NDFIP1: variants seen among roughly 807,000 people sequenced by gnomAD.
NDFIP1 encodes NEDD4 family-interacting protein 1.
In NDFIP1, 7 loss-of-function variants were observed where a neutral mutation model predicts 28.8. The observed-to-expected ratio is 0.24, with a 90% CI of 0.14 to 0.46. NDFIP1 has a LOEUF of 0.46. Among genes scored for constraint, NDFIP1 ranks in the 20% least tolerant of loss-of-function variants. The pLI, the probability that NDFIP1 is intolerant of heterozygous loss-of-function variation, is 0.99. For synonymous variants in NDFIP1, 92 were observed against 101.0 expected (o/e 0.91, Z 0.53); for missense variants, 194 against 269.1 (o/e 0.72, Z 1.95).
intron 4 of NDFIP1, 48 bp from the exon 5 acceptor site, chr5:142,137,686 T>A: frequency 1.2e-6 from 2 of 1,604,708 alleles, no homozygotes; most frequent in Non-Finnish European, 1.7e-6. Flanking sequence ...CTCTTGTTCT[T>A]GGGTAACAGG....
At chr5:142,119,084 G>T (rs1757097446) in intron 1 of NDFIP1, among the ~76,000 whole-genome samples, 1 of 152,084 alleles carries the variant, frequency 6.6e-6, no homozygotes, top group Admixed American at 6.5e-5. Context: ...ATTAACCTGT[G>T]GGTATACACA....
rs1435738800 is a variant in NDFIP1, at chr5:142,153,984, T to C, written c.*2256T>C. The C allele has an allele frequency of 6.6e-6, 1 of 152,466 alleles. No individual in the cohort carries two copies. Among genetic ancestry groups the C allele is most frequent in the African/African-American group, 2.4e-5 (1 of 41,460 alleles). The allele number at this position is 152,466 out of a possible 1,614,324, so 9.4% of individuals were successfully genotyped here. A position where few individuals can be genotyped will look rare whatever the true frequency, so the allele number is the denominator to read the frequency against. ...TACCTAGTTAAGAGGATGATTTCTC[T>C]TTAATCGTTTAAATGTTCTGAAAAT... On this transcript the variant is annotated 3_prime_UTR_variant, in exon 8 of 8. Coordinates refer to ENST00000253814, the MANE Select transcript of NDFIP1 (RefSeq NM_030571.4).
intron 1 of NDFIP1, among the ~76,000 whole-genome samples, chr5:142,128,120 G>A (rs1306874248): frequency 6.6e-6 from 1 of 152,066 alleles, no homozygotes; most frequent in African/African-American, 2.4e-5. Context: ...GAAGTTCCCA[G>A]ATCTGTCCCA....
In NDFIP1 at chr5:142,140,576, T is replaced by A. The variant is rs1312697697; in HGVS notation, c.509T>A (p.Phe170Tyr). The A allele has an allele frequency of 6.2e-7, 1 of 1,611,692 alleles. No individual in the cohort carries two copies. The highest frequency in any genetic ancestry group is 1.7e-4 in the Middle Eastern group (1 of 6,056). Residue 170 changes from phenylalanine to tyrosine, a missense_variant, in exon 6 of 8, where the codon TTC becomes TAC. Physicochemically the swap from Phe to Tyr is conservative, Grantham distance 22. Coordinates refer to ENST00000253814, the MANE Select transcript of NDFIP1 (RefSeq NM_030571.4). ...CTTATTTTTTAGTTTTCCACCTATT[T>A]CCCTGGATATTTTGATGGTCAGTAC... ...WILIVRFSTY[F>Y]PGYFDGQYWL... is the part of the protein sequence containing the mutation.
intron 1 of NDFIP1, among the ~76,000 whole-genome samples, chr5:142,122,213 A>G (rs1757128813): frequency 6.6e-6 from 1 of 152,116 alleles, no homozygotes; most frequent in South Asian, 2.1e-4. Flanking sequence ...CCCGGGACAT[A>G]CTCACTGGTA....
Position 142,152,598 on chromosome 5 carries a change from T to C in NDFIP1, c.*870T>C, listed in dbSNP as rs1757458722. The C allele has an allele frequency of 6.7e-6, 1 of 149,454 alleles. No homozygotes were observed. Among genetic ancestry groups the C allele is most frequent in the Non-Finnish European group, 1.5e-5 (1 of 67,714 alleles). The allele number at this position is 149,454 out of a possible 1,614,324, so 9.3% of individuals were successfully genotyped here. On this transcript the variant is annotated 3_prime_UTR_variant, in exon 8 of 8. Coordinates refer to ENST00000253814, the MANE Select transcript of NDFIP1 (RefSeq NM_030571.4). The stretch of plus-strand genomic sequence containing the variant: ...CTTAGGAGCAAAGAAAGAAGTAGCT[T>C]GGAACTTTTGAGATGATCCCTAACA...
chr5:142,117,232 CA>C (rs752655165), intron 1 of NDFIP1, among the ~76,000 whole-genome samples: 1 of 143,416 alleles, frequency 7.0e-6, no homozygotes, highest in Non-Finnish European at 1.5e-5. Context: ...ATAATGATTT[CA>C]TTTTCTTTTT....
intron 1 of NDFIP1, among the ~76,000 whole-genome samples, chr5:142,120,540 A>G (rs950241157): frequency 3.9e-5 from 6 of 152,184 alleles, no homozygotes; most frequent in African/African-American, 1.4e-4. Context: ...TTTTGCCTTT[A>G]AACAAACAAC....
At chr5:142,137,968 T>C (rs768366921) in intron 5 of NDFIP1, 110 bp downstream of exon 5, 6 of 1,375,926 alleles carry the variant, frequency 4.4e-6, no homozygotes, top group Non-Finnish European at 5.8e-6. Flanking sequence ...GTGTGTTAAA[T>C]GATTTTTGGT....
intron 1 of NDFIP1, among the ~76,000 whole-genome samples, chr5:142,126,658 G>A (rs1757171850): frequency 6.6e-6 from 1 of 152,108 alleles, no homozygotes; most frequent in African/African-American, 2.4e-5. Context: ...ATCCAAGAAT[G>A]ACTTTTAAGT....
chr5:142,128,573 A>T lies in NDFIP1; in HGVS notation c.64-3235A>T, dbSNP rs563894784. Among the ~76,000 whole-genome samples, 22 of 152,202 alleles carry T rather than the reference A, an allele frequency of 1.4e-4. No homozygotes were observed. In the South Asian group the frequency reaches 3.7e-3, roughly 26 times the overall value. On this transcript the variant is annotated intron_variant, in intron 1 of 7. Coordinates refer to ENST00000253814, the MANE Select transcript of NDFIP1 (RefSeq NM_030571.4). ...TAAGTGCTTACTCTTTTTGAAGGTGATTGCCTCTCCCCGCGATCCCCCTAC... is the reference window on the plus strand; with the variant it reads ...TAAGTGCTTACTCTTTTTGAAGGTGTTTGCCTCTCCCCGCGATCCCCCTAC...
At chr5:142,109,872 A>C (rs1389692503) in intron 1 of NDFIP1, among the ~76,000 whole-genome samples, 1 of 152,170 alleles carries the variant, frequency 6.6e-6, no homozygotes, top group African/African-American at 2.4e-5. Flanking sequence ...GGTTTTTGGA[A>C]GTGTTAATCT....
chr5:142,117,939 A>G (rs1275939689), intron 1 of NDFIP1, among the ~76,000 whole-genome samples: 1 of 151,924 alleles, frequency 6.6e-6, no homozygotes, highest in African/African-American at 2.4e-5. Flanking sequence ...CTATGTTGCT[A>G]CCCAGGCTGG....
At chr5:142,151,623 A>G (rs773092325) in intron 7 of NDFIP1, 108 bp from the exon 8 acceptor site, 16 of 152,380 alleles carry the variant, frequency 1.1e-4, no homozygotes, top group Non-Finnish European at 2.2e-4. Context: ...CTATGTTAAA[A>G]TGCACTTGTG....
At chr5:142,113,456 T>G (rs774745368) in intron 1 of NDFIP1, among the ~76,000 whole-genome samples, 2 of 152,342 alleles carry the variant, frequency 1.3e-5, no homozygotes, top group African/African-American at 2.4e-5. Flanking sequence ...TCAAAGTTTC[T>G]TAAGTTATAT....
chr5:142,142,443 G>A (rs918450951), intron 6 of NDFIP1, among the ~76,000 whole-genome samples: 7 of 152,154 alleles, frequency 4.6e-5, no homozygotes, highest in South Asian at 2.1e-4. Flanking sequence ...CTGACCACCC[G>A]TGTTTCCCCA....
intron 1 of NDFIP1, among the ~76,000 whole-genome samples, chr5:142,129,485 A>G (rs1479526166): frequency 6.6e-6 from 1 of 152,226 alleles, no homozygotes; most frequent in South Asian, 2.1e-4. Context: ...TAGGATTCGA[A>G]AAAATGTACC....
intron 1 of NDFIP1, among the ~76,000 whole-genome samples, chr5:142,124,756 A>T (rs149882736): frequency 6.6e-6 from 1 of 152,096 alleles, no homozygotes; most frequent in East Asian, 1.9e-4. Flanking sequence ...GATATTGAGG[A>T]TAGTCTAACT....
chr5:142,118,805 C>T (rs1757094732), intron 1 of NDFIP1, among the ~76,000 whole-genome samples: 1 of 152,084 alleles, frequency 6.6e-6, no homozygotes, highest in Non-Finnish European at 1.5e-5. Context: ...TTTATTCTTC[C>T]AATTATCCAA....
Sources: allele counts gnomAD v4.1 joint callset (sites outside exome capture counted in the v4.1 genomes callset), GRCh38; gene constraint gnomAD v4.1.1; transcripts MANE v1.5; gene names NCBI Gene and HGNC (gene_info 2026-07-23, HGNC 2026-07-21).